EBF1: variants seen among roughly 807,000 people sequenced by gnomAD.
The protein encoded by EBF1 is transcription factor COE1.
Under a neutral mutation model 68.4 loss-of-function variants are expected in EBF1, and 10 were observed. The observed-to-expected ratio is 0.15, with a 90% CI of 0.09 to 0.25. The LOEUF (loss-of-function observed/expected upper bound fraction) is 0.25, where lower values mean the gene tolerates loss of function less well. Ranked by LOEUF, EBF1 falls within the 10% of genes least tolerant of loss-of-function variation. The probability of loss-of-function intolerance (pLI) is 1.00; values close to 1 mark genes in which losing one functional copy is unlikely to be tolerated. For synonymous variants in EBF1, 298 were observed against 299.8 expected (o/e 0.99, Z 0.06); for missense variants, 509 against 794.4 (o/e 0.64, Z 4.32).
intron 6 of EBF1, among the ~76,000 whole-genome samples, chr5:158,946,542 G>A (rs1055448132): frequency 2.0e-5 from 3 of 152,198 alleles, no homozygotes; most frequent in Non-Finnish European, 4.4e-5. Flanking sequence ...ACTGCTGCCT[G>A]TTCCTTCCTC....
At chr5:158,807,729 CAA>C (rs1397774378) in intron 8 of EBF1, among the ~76,000 whole-genome samples, 3 of 152,154 alleles carry the variant, frequency 2.0e-5, no homozygotes, top group African/African-American at 7.2e-5. Flanking sequence ...CGTCTTCTCC[CAA>C]AACACACGGA....
intron 4 of EBF1, among the ~76,000 whole-genome samples, chr5:159,090,435 A>G (rs1486062124): frequency 6.6e-6 from 1 of 152,166 alleles, no homozygotes; most frequent in Non-Finnish European, 1.5e-5. Context: ...TTTTGCTTCA[A>G]TTAGCAGCTT....
intron 11 of EBF1, among the ~76,000 whole-genome samples, chr5:158,723,265 G>A (rs1003960914): frequency 6.6e-6 from 1 of 152,176 alleles, no homozygotes; most frequent in African/African-American, 2.4e-5. Context: ...TTTTAAGACT[G>A]ATTTTGTAAA....
chr5:159,021,726 G>C (rs991499432), intron 6 of EBF1, among the ~76,000 whole-genome samples: 1 of 152,188 alleles, frequency 6.6e-6, no homozygotes, highest in East Asian at 1.9e-4. Flanking sequence ...ACGTCTAAAC[G>C]ATCGTGAACA....
At chr5:158,774,600 T>C (rs1462607337) in intron 10 of EBF1, among the ~76,000 whole-genome samples, 1 of 152,118 alleles carries the variant, frequency 6.6e-6, no homozygotes, top group East Asian at 1.9e-4. Flanking sequence ...AAGTGTGAAC[T>C]TCTGTGGGTG....
At chr5:158,806,884 G>C (rs1781688052) in intron 8 of EBF1, among the ~76,000 whole-genome samples, 1 of 152,118 alleles carries the variant, frequency 6.6e-6, no homozygotes, top group Non-Finnish European at 1.5e-5. Context: ...CTGGATGTTT[G>C]ATCCCATTAC....
At chr5:158,926,451 C>A (rs1039817676) in intron 6 of EBF1, among the ~76,000 whole-genome samples, 1 of 152,034 alleles carries the variant, frequency 6.6e-6, no homozygotes, top group Admixed American at 6.6e-5. Flanking sequence ...ATTGGCCGGG[C>A]GCAGTGGATC....
At chr5:158,814,446 A>C (rs1324233587) in intron 8 of EBF1, among the ~76,000 whole-genome samples, 13 of 152,200 alleles carry the variant, frequency 8.5e-5, no homozygotes, top group Non-Finnish European at 1.9e-4. Flanking sequence ...AACACACAAC[A>C]CACCACACTT....
chr5:158,735,171 C>G (rs752729015), intron 10 of EBF1, among the ~76,000 whole-genome samples: 8 of 152,076 alleles, frequency 5.3e-5, no homozygotes, highest in Non-Finnish European at 7.4e-5. Flanking sequence ...ACACATAATC[C>G]AACCCCCAAA....
chr5:158,842,409 A>G (rs1003890415), intron 6 of EBF1, among the ~76,000 whole-genome samples: 4 of 152,256 alleles, frequency 2.6e-5, no homozygotes, highest in Non-Finnish European at 5.9e-5. Context: ...GGCATATTTC[A>G]AAGCTACTTC....
At chr5:158,880,147 A>T (rs775944503) in intron 6 of EBF1, among the ~76,000 whole-genome samples, 3 of 152,176 alleles carry the variant, frequency 2.0e-5, no homozygotes, top group Admixed American at 6.5e-5. Context: ...ATAAACACTC[A>T]CAAAGCGCTG....
chr5:158,712,221 G>T lies in EBF1; in HGVS notation c.1482C>A (p.Ala494=). The T allele has an allele frequency of 6.2e-7, 1 of 1,613,776 alleles. No individual in the cohort carries two copies. Among genetic ancestry groups the T allele is most frequent in the Non-Finnish European group, 8.5e-7 (1 of 1,179,888 alleles). Residue 494 remains alanine, a synonymous_variant, in exon 14 of 16, where the codon GCC becomes GCA. Transcript: ENST00000313708. ...VTTSMNGYGS[A]AMSNLGGSPT... is the part of the protein sequence containing the mutation. ...GGGAGCCGCCCAAATTGGACATTGC[G>T]GCAGAGCCGTATCCGTTCATGCTCG...
Position 159,041,982 on chromosome 5 carries a change from A to G in EBF1, c.554+31414T>C, listed in dbSNP as rs7736596. On this transcript the variant is annotated intron_variant, in intron 6 of 15. Coordinates refer to ENST00000313708, the MANE Select transcript of EBF1 (RefSeq NM_024007.5). ...ACTGATCTATCCAAAAGAGAAAAAA[A>G]TTAGAGAGAGTGTCACAGTGGAATT... Among the ~76,000 whole-genome samples, 984 of 152,352 alleles carry G rather than the reference A, an allele frequency of 6.5e-3. 12 individuals are homozygous for G. Among genetic ancestry groups the G allele is most frequent in the African/African-American group, 0.022 (922 of 41,578 alleles).
chr5:158,734,978 A>G (rs1764872299), intron 10 of EBF1, among the ~76,000 whole-genome samples: 1 of 152,182 alleles, frequency 6.6e-6, no homozygotes, highest in Non-Finnish European at 1.5e-5. Flanking sequence ...TGTTTATACC[A>G]TGAGAATAAA....
intron 10 of EBF1, among the ~76,000 whole-genome samples, chr5:158,761,884 A>T (rs957802713): frequency 6.6e-6 from 1 of 152,134 alleles, no homozygotes; most frequent in Non-Finnish European, 1.5e-5. Context: ...TTCTCTTTTT[A>T]TGTAAAAGCC....
intron 10 of EBF1, among the ~76,000 whole-genome samples, chr5:158,754,041 T>C (rs1337159669): frequency 6.6e-6 from 1 of 152,046 alleles, no homozygotes; most frequent in Non-Finnish European, 1.5e-5. Flanking sequence ...TGTTAGAACA[T>C]GAGGCTGGCT....
chr5:159,095,541 G>T, intron 4 of EBF1, 79 bp downstream of exon 4: 1 of 1,529,144 alleles, frequency 6.5e-7, no homozygotes, highest in Non-Finnish European at 9.0e-7. Context: ...CAGCCCACCT[G>T]CGGTGGAGCA....
chr5:158,875,241 T>C (rs527322922), intron 6 of EBF1, among the ~76,000 whole-genome samples: 1 of 152,280 alleles, frequency 6.6e-6, no homozygotes, highest in African/African-American at 2.4e-5. Flanking sequence ...AGGTATGAAT[T>C]TGTCAATAGG....
At chr5:158,710,221 ATGTT>A (rs1003214051) in intron 14 of EBF1, among the ~76,000 whole-genome samples, 7 of 152,202 alleles carry the variant, frequency 4.6e-5, no homozygotes, top group Non-Finnish European at 8.8e-5. Context: ...ATTTAATACT[ATGTT>A]TGTGAGCACT....
Sources: allele counts gnomAD v4.1 joint callset (sites outside exome capture counted in the v4.1 genomes callset), GRCh38; gene constraint gnomAD v4.1.1; transcripts MANE v1.5; gene names NCBI Gene and HGNC (gene_info 2026-07-23, HGNC 2026-07-21).